FBXW8: variants seen among roughly 807,000 people sequenced by gnomAD.
The protein encoded by FBXW8 is F-box and WD repeat domain containing 8.
Under a neutral mutation model 65.3 loss-of-function variants are expected in FBXW8, and 57 were observed. The ratio of observed to expected loss-of-function variants is 0.87; its 90% CI spans 0.71 to 1.09. The LOEUF (loss-of-function observed/expected upper bound fraction) is 1.09. Ranked by LOEUF, FBXW8 falls within the 50% of genes least tolerant of loss-of-function variation. FBXW8 has a pLI of 0.00. For missense variants in FBXW8, 777 were observed against 814.8 expected, an observed-to-expected ratio of 0.95 and a Z score of 0.57; for synonymous variants, 308 against 330.2, an observed-to-expected ratio of 0.93 and a Z score of 0.73.
At chr12:116,945,887 A>T (rs1882897920) in intron 3 of FBXW8, among the ~76,000 whole-genome samples, 2 of 152,218 alleles carry the variant, frequency 1.3e-5, no homozygotes, top group South Asian at 4.1e-4. Context: ...CTACCTGCAT[A>T]CAAAAGAGGA....
chr12:116,978,094 G>A (rs1885068221), intron 5 of FBXW8: 1 of 152,224 alleles, frequency 6.6e-6, no homozygotes, highest in African/African-American at 2.4e-5. Flanking sequence ...AATGTTTTCT[G>A]TTTATTTTCT....
chr12:116,962,692 A>G (rs889966079), intron 4 of FBXW8, among the ~76,000 whole-genome samples: 73 of 152,296 alleles, frequency 4.8e-4, no homozygotes, highest in Non-Finnish European at 9.4e-4. Context: ...AGACGTTGCC[A>G]TCCTTCTCAT....
intron 5 of FBXW8, among the ~76,000 whole-genome samples, chr12:116,976,538 C>G (rs185446268): frequency 6.8e-6 from 1 of 147,666 alleles, no homozygotes. Context: ...TCGCTGCAAC[C>G]TCCACCTCCC....
chr12:116,935,505 T>A (rs1293621074), intron 2 of FBXW8, among the ~76,000 whole-genome samples: 3 of 152,204 alleles, frequency 2.0e-5, no homozygotes, highest in African/African-American at 7.2e-5. Context: ...CAGACTTCTC[T>A]TATCAGGAAG....
At chr12:116,933,240 T>TG (rs1169898010) in intron 2 of FBXW8, among the ~76,000 whole-genome samples, 2 of 152,254 alleles carry the variant, frequency 1.3e-5, no homozygotes, top group African/African-American at 4.8e-5. Flanking sequence ...GAACAGGGTC[T>TG]AATAGCTAGC....
At position 117,027,475 on chromosome 12, in the gene FBXW8, C is replaced by T. The variant is rs781734732; in HGVS notation, c.1623C>T (p.Ala541=). 9.9e-6 allele frequency: 16 copies of T among 1,614,000 alleles called. No individual in the cohort carries two copies. The highest frequency in any genetic ancestry group is 4.0e-5 in the African/African-American group (3 of 74,890). Residue 541 remains alanine (A), a synonymous_variant, in exon 10 of 11, where the codon GCC becomes GCT. Transcript: ENST00000652555. ...CTTACCAGACGGTAATGCGAAACGC[C>T]GACCTGGACAGCTTCACTACTCACA... ...NVPYQTVMRN[A]DLDSFTTHRR...
chr12:116,968,450 G>C (rs1884456070), intron 5 of FBXW8, among the ~76,000 whole-genome samples: 2 of 152,152 alleles, frequency 1.3e-5, no homozygotes, highest in Non-Finnish European at 2.9e-5. Context: ...TCTTAAAAGG[G>C]AGTGCATGTC....
At chr12:116,946,855 C>T (rs758606303) in intron 3 of FBXW8, among the ~76,000 whole-genome samples, 1 of 152,006 alleles carries the variant, frequency 6.6e-6, no homozygotes, top group East Asian at 1.9e-4. Flanking sequence ...GAGGGTCTAA[C>T]CCTGGTGGGA....
chr12:116,999,858 G>A (rs1402269903), intron 7 of FBXW8, among the ~76,000 whole-genome samples: 2 of 152,138 alleles, frequency 1.3e-5, no homozygotes, highest in Non-Finnish European at 2.9e-5. Context: ...TTCCTCTCCT[G>A]TCTTGCCATG....
intron 10 of FBXW8, among the ~76,000 whole-genome samples, 199 bp from the exon 11 acceptor site, chr12:117,027,829 G>A (rs577759930): frequency 3.9e-4 from 59 of 152,344 alleles, no homozygotes; most frequent in Non-Finnish European, 5.7e-4. Context: ...CACTCACTGC[G>A]CCCATCGGAC....
intron 8 of FBXW8, among the ~76,000 whole-genome samples, chr12:117,019,452 C>T (rs1954035282): frequency 6.6e-6 from 1 of 152,156 alleles, no homozygotes; most frequent in Non-Finnish European, 1.5e-5. Context: ...TGCCCATTTG[C>T]TGTGCTACCT....
rs551322448 is a variant in FBXW8 at position 116,975,208 on chromosome 12, G to A, written c.836-9998G>A. Among the ~76,000 whole-genome samples, 53 of 152,334 alleles carry A rather than the reference G, an allele frequency of 3.5e-4. No homozygotes were observed. In the South Asian group the frequency reaches 0.01, roughly 29 times the overall value. On this transcript the variant is annotated intron_variant, in intron 5 of 10. Coordinates refer to ENST00000652555, the MANE Select transcript of FBXW8 (RefSeq NM_153348.3). ...TTGTCGTAGGCAAGAATCACCAGCG[G>A]ATGTTAAAATCAATGTGATGAATGT...
chr12:116,997,259 T>A (rs1017990494), intron 7 of FBXW8, among the ~76,000 whole-genome samples: 2 of 152,200 alleles, frequency 1.3e-5, no homozygotes, highest in African/African-American at 4.8e-5. Context: ...GATGGGTTAT[T>A]CTGTGAAAAG....
At chr12:116,988,641 A>C in intron 6 of FBXW8, 22 bp from the exon 7 acceptor site, 1 of 1,611,930 alleles carries the variant, frequency 6.2e-7, no homozygotes, top group Non-Finnish European at 8.5e-7. Flanking sequence ...TATGGGACTA[A>C]ACAACTCTTA....
rs2135662004 is a variant in FBXW8, at chr12:116,981,597, ATGCTGCTG to A, written c.836-3606_836-3599del. Among the ~76,000 whole-genome samples the A allele has an allele frequency of 2.0e-5, 3 of 147,354 alleles. No homozygotes were observed. The South Asian group carries it at 6.6e-4, about 32-fold the overall frequency. On this transcript the variant is annotated intron_variant, in intron 5 of 10. Transcript: ENST00000652555. ...AGGCTGGAAGGGAAGAAATGGAAGT[ATGCTGCTG>A]TGAAGTTCTTTTTTTTTTTTTTAAT...
intron 7 of FBXW8, among the ~76,000 whole-genome samples, chr12:116,998,827 A>C (rs1953442530): frequency 6.6e-6 from 1 of 152,234 alleles, no homozygotes; most frequent in Non-Finnish European, 1.5e-5. Flanking sequence ...GAGTAGGAGC[A>C]AGAGGGCACT....
At chr12:116,960,709 C>A (rs1312343426) in intron 4 of FBXW8, among the ~76,000 whole-genome samples, 1 of 152,086 alleles carries the variant, frequency 6.6e-6, no homozygotes, top group East Asian at 1.9e-4. Context: ...CTGCGGACAC[C>A]CCCTTTCAGT....
chr12:117,005,155 C>A lies in FBXW8; in HGVS notation c.1240-5168C>A, dbSNP rs145864448. ...ATCTTCTGTTTTGGGTAGGATGGAGCAGTTCCTTTGTACATACCAGCAGCA... is the reference window on the plus strand; with the variant it reads ...ATCTTCTGTTTTGGGTAGGATGGAGAAGTTCCTTTGTACATACCAGCAGCA... On this transcript the variant is annotated intron_variant, in intron 7 of 10. Transcript: ENST00000652555. 1.7e-3 allele frequency among the ~76,000 whole-genome samples: 263 copies of A among 152,258 alleles called. 2 individuals are homozygous for A. The highest frequency in any genetic ancestry group is 0.01 in the Middle Eastern group (3 of 294).
chr12:116,945,042 G>A lies in FBXW8; in HGVS notation c.424-322G>A, dbSNP rs561752137. 9.2e-5 allele frequency among the ~76,000 whole-genome samples: 14 copies of A among 152,260 alleles called. No homozygotes were observed. The South Asian group carries it at 2.7e-3, about 29-fold the overall frequency. ...CCATTCTGAAAAGCTCTGTATGATT[G>A]TATAGCTAATTACCATGTAAAAGTT... On this transcript the variant is annotated intron_variant, in intron 2 of 10. Coordinates refer to ENST00000652555, the MANE Select transcript of FBXW8 (RefSeq NM_153348.3).
Sources: allele counts gnomAD v4.1 joint callset (sites outside exome capture counted in the v4.1 genomes callset), GRCh38; gene constraint gnomAD v4.1.1; transcripts MANE v1.5; gene names NCBI Gene and HGNC (gene_info 2026-07-23, HGNC 2026-07-21).